Variants in CHLSN observed in about 807,000 individuals in gnomAD.
The protein encoded by CHLSN is cholesin, also known as protein cholesin.
the CHLSN span, among the ~76,000 whole-genome samples, chr7:981,359 A>T: frequency 2.0e-5 from 3 of 152,018 alleles, no homozygotes; most frequent in Admixed American, 2.0e-4. Context: ...CATGCTAGTA[A>T]TCCCAGCGCT....
At chr7:1,010,475 G>A in the CHLSN span, among the ~76,000 whole-genome samples, 1 of 152,362 alleles carries the variant, frequency 6.6e-6, no homozygotes, top group African/African-American at 2.4e-5. Flanking sequence ...CACAGTGTGG[G>A]AAGATCCGGG....
chr7:1,078,505 G>A, the CHLSN span, among the ~76,000 whole-genome samples: 1 of 152,228 alleles, frequency 6.6e-6, no homozygotes, highest in Non-Finnish European at 1.5e-5. Context: ...GGCAGGCGCT[G>A]CGCTCAGGTG....
At chr7:1,101,555 C>T in the CHLSN span, among the ~76,000 whole-genome samples, 7,118 of 152,310 alleles carry the variant, frequency 0.047, 444 homozygotes, top group African/African-American at 0.14. Context: ...TCCTGAACAA[C>T]TTCTAGAGCT....
chr7:1,011,580 C>T, the CHLSN span, among the ~76,000 whole-genome samples: 3 of 151,168 alleles, frequency 2.0e-5, no homozygotes, highest in African/African-American at 7.3e-5. Context: ...AACACATCCA[C>T]ACACCATCCC....
the CHLSN span, among the ~76,000 whole-genome samples, chr7:1,002,299 G>GA: frequency 7.6e-6 from 1 of 131,426 alleles, no homozygotes; most frequent in African/African-American, 2.9e-5. Flanking sequence ...TCCTGTGGGT[G>GA]GGGAGTCCTG....
chr7:1,051,026 G>A, the CHLSN span, among the ~76,000 whole-genome samples: 1 of 152,366 alleles, frequency 6.6e-6, no homozygotes, highest in East Asian at 1.9e-4. Flanking sequence ...CTGGGTGGGA[G>A]TGCGCAGCCC....
At chr7:1,087,676 C>G in the CHLSN span, among the ~76,000 whole-genome samples, 2 of 152,152 alleles carry the variant, frequency 1.3e-5, no homozygotes, top group East Asian at 3.9e-4. Context: ...TCAGAAATGC[C>G]TATTTCTTGG....
the CHLSN span, among the ~76,000 whole-genome samples, chr7:983,630 G>A: frequency 1.3e-5 from 2 of 152,204 alleles, no homozygotes; most frequent in Non-Finnish European, 2.9e-5. Flanking sequence ...CGGCGCGGGA[G>A]CAGGAGTCTG....
the CHLSN span, among the ~76,000 whole-genome samples, chr7:998,843 G>A: frequency 9.1e-3 from 1,381 of 152,190 alleles, 21 homozygotes; most frequent in African/African-American, 0.031. Flanking sequence ...CTCACCCAAG[G>A]GCACGAAATG....
At chr7:984,935 T>C in the CHLSN span, 5 of 1,582,154 alleles carry the variant, frequency 3.2e-6, no homozygotes, top group East Asian at 6.7e-5. Context: ...CACCACGCAC[T>C]GTATCTGCCT....
the CHLSN span, among the ~76,000 whole-genome samples, chr7:1,095,658 C>T: frequency 6.6e-6 from 1 of 152,234 alleles, no homozygotes; most frequent in African/African-American, 2.4e-5. Context: ...CCACCCCTCA[C>T]AGCAGCCCCG....
the CHLSN span, chr7:1,093,126 C>G: frequency 1.6e-6 from 1 of 638,442 alleles, no homozygotes; most frequent in Non-Finnish European, 3.0e-6. Context: ...ACCAGCCTGT[C>G]ACCCAGCTCC....
At chr7:1,080,550 G>A in the CHLSN span, among the ~76,000 whole-genome samples, 1 of 152,252 alleles carries the variant, frequency 6.6e-6, no homozygotes, top group Non-Finnish European at 1.5e-5. Context: ...ACCACCCAGG[G>A]ACGGGCAGAG....
chr7:1,114,796 C>T, the CHLSN span, among the ~76,000 whole-genome samples: 4 of 152,226 alleles, frequency 2.6e-5, no homozygotes, highest in South Asian at 4.1e-4. Flanking sequence ...TCTGCCCGGG[C>T]GATGGGCAGG....
chr7:1,071,977 G>C, the CHLSN span, among the ~76,000 whole-genome samples: 2 of 152,208 alleles, frequency 1.3e-5, no homozygotes, highest in African/African-American at 4.8e-5. Flanking sequence ...GCAGGACAGA[G>C]CCAAGCAGCT....
At chr7:1,006,594 C>T in the CHLSN span, among the ~76,000 whole-genome samples, 1 of 125,410 alleles carries the variant, frequency 8.0e-6, no homozygotes, top group Non-Finnish European at 1.7e-5. Flanking sequence ...AGGGAAAGAG[C>T]GCACGACGGC....
the CHLSN span, among the ~76,000 whole-genome samples, chr7:1,069,158 C>T: frequency 6.6e-6 from 1 of 152,052 alleles, no homozygotes. Flanking sequence ...ATGGAGAAAC[C>T]CCGTCTGTAC....
chr7:1,045,471 T>C, the CHLSN span: 19 of 152,364 alleles, frequency 1.2e-4, 1 homozygote, highest in African/African-American at 4.1e-4. Context: ...GAGGCCAGCA[T>C]TCAATAACAG....
the CHLSN span, among the ~76,000 whole-genome samples, chr7:1,125,022 G>A: frequency 6.6e-6 from 1 of 152,222 alleles, no homozygotes; most frequent in South Asian, 2.1e-4. Flanking sequence ...GACCCTCTGA[G>A]ACAGCCAGGA....
Sources: gnomAD v4.1 joint callset for allele counts (sites outside exome capture counted in the v4.1 genomes callset) on GRCh38, gnomAD v4.1.1 for gene constraint, MANE v1.5 for transcripts, NCBI Gene and HGNC (gene_info 2026-07-23, HGNC 2026-07-21) for gene names.